The following ATP6AP1 variants were observed in gnomAD, a reference collection of about 807,000 sequenced individuals.
ATP6AP1 encodes V-type proton ATPase subunit S1.
Under a neutral mutation model 32.0 loss-of-function variants are expected in ATP6AP1, and 1 was observed. The ratio of observed to expected loss-of-function variants is 0.03; its 90% CI spans 0.01 to 0.15. The LOEUF (loss-of-function observed/expected upper bound fraction) is 0.15. ATP6AP1 is among the 10% of genes least tolerant of loss of function. The pLI, the probability that ATP6AP1 is intolerant of heterozygous loss-of-function variation, is 1.00. For missense variants in ATP6AP1, 297 were observed against 398.8 expected (o/e 0.74, Z 2.17); for synonymous variants, 187 against 174.9 (o/e 1.07, Z -0.55).
In ATP6AP1 at chrX:154,431,916, C is replaced by A. The variant is rs1557196841; in HGVS notation, c.363+12C>A. 8.3e-7 allele frequency: 1 copy of A among 1,209,083 alleles called. No individual in the cohort carries two copies. The highest frequency in any genetic ancestry group is 1.8e-5 in the South Asian group (1 of 56,887). On this transcript the variant is annotated intron_variant, in intron 3 of 9. Transcript: ENST00000369762. ...TTTCTAACCTAGAGGTGAGAGTCCTCTCCCAGCCAGGGGCCATGGGGGACA... is the reference window on the plus strand; with the variant it reads ...TTTCTAACCTAGAGGTGAGAGTCCTATCCCAGCCAGGGGCCATGGGGGACA...
chrX:154,428,977 G>A (rs2068679789), intron 1 of ATP6AP1, 71 bp from the exon 2 acceptor site: 1 of 1,178,374 alleles, frequency 8.5e-7, no homozygotes, highest in Non-Finnish European at 1.1e-6. Context: ...GGCTCGCAGC[G>A]AATCTGCCGG....
intron 2 of ATP6AP1, chrX:154,429,496 C>G (rs2068682746): frequency 4.8e-6 from 1 of 210,254 alleles, no homozygotes; most frequent in Non-Finnish European, 8.8e-6. Context: ...GATGAGAAGA[C>G]TGAGGCTGGA....
chrX:154,433,149 C>G (rs1357161400), intron 5 of ATP6AP1, among the ~76,000 whole-genome samples, 178 bp downstream of exon 5: 1 of 111,812 alleles, frequency 8.9e-6, no homozygotes, highest in Non-Finnish European at 1.9e-5. Flanking sequence ...GACCACCTGA[C>G]AGAAGACCCT....
Position 154,431,885 on chromosome X carries a change from G to A in ATP6AP1, c.344G>A (p.Ser115Asn), listed in dbSNP as rs199872479. ...YGGVFGNKQD[S>N]AFSNLENALD... ...GGTGTGTTTGGAAACAAGCAGGACA[G>A]CGCCTTTTCTAACCTAGAGGTGAGA... is the stretch of plus-strand genomic sequence containing the variant. Residue 115 changes from serine (S) to asparagine (N), a missense_variant, in exon 3 of 10, where the codon AGC (serine) becomes AAC (asparagine). Ser to Asn is a conservative substitution (Grantham distance 46). Transcript: ENST00000369762. The A allele has an allele frequency of 3.6e-5, 44 of 1,210,172 alleles. No individual in the cohort carries two copies. In the African/African-American group the frequency reaches 6.1e-4, roughly 17 times the overall value.
Position 154,432,964 on chromosome X carries a change from A to G in ATP6AP1, c.591A>G (p.Thr197=). The part of the protein sequence containing the change: ...SGLMAPREVL[T]GNDEVIGQVL... The stretch of plus-strand genomic sequence containing the variant: ...TGATGGCACCCAGGGAAGTCCTCAC[A>G]GGCAACGGTGAGTAGAATCAGGGAG... The change falls in exon 5 of 10, where the codon ACA becomes ACG. Residue 197 remains threonine, a synonymous_variant. Coordinates refer to ENST00000369762, the MANE Select transcript of ATP6AP1 (RefSeq NM_001183.6). 3 of 1,211,228 alleles carry G rather than the reference A, an allele frequency of 2.5e-6. No individual in the cohort carries two copies. Among genetic ancestry groups the G allele is most frequent in the Non-Finnish European group, 3.4e-6 (3 of 894,961 alleles).
In ATP6AP1 at chrX:154,435,285, C is replaced by T; in HGVS notation, c.983C>T (p.Ala328Val). The T allele has an allele frequency of 8.3e-7, 1 of 1,211,617 alleles. No homozygotes were observed. The highest frequency in any genetic ancestry group is 1.8e-5 in the South Asian group (1 of 56,961). ...GCCACCTTCCCCAGGTTCATTCTGG[C>T]CAACCGCCTCTACCCAGTGTCTGCC... ...GTTVTFKFIL[A>V]NRLYPVSARH... The change falls in exon 9 of 10, where the codon GCC becomes GTC. Residue 328 changes from alanine (A) to valine (V), a missense_variant. By Grantham distance (64) the Ala-to-Val change is moderately conservative. This residue lies in a region of ATP6AP1 where 155 missense variants were observed against 253.8 expected (regional missense o/e 0.61). Transcript: ENST00000369762.
At position 154,434,297 on chromosome X, in the gene ATP6AP1, G is replaced by C; in HGVS notation, c.774G>C (p.Val258=). ...TATCACCTGTGATCCATCCTCCTGTGAGTTACAATGACACCGCTCCCCGGA... is the reference window on the plus strand; with the variant it reads ...TATCACCTGTGATCCATCCTCCTGTCAGTTACAATGACACCGCTCCCCGGA... ...QPVSPVIHPP[V]SYNDTAPRIL... Residue 258 remains valine (V), a synonymous_variant, in exon 7 of 10, where the codon GTG becomes GTC. Coordinates refer to ENST00000369762, the MANE Select transcript of ATP6AP1 (RefSeq NM_001183.6). 1 of 1,211,856 alleles carries C rather than the reference G, an allele frequency of 8.3e-7. No homozygotes were observed. Among genetic ancestry groups the C allele is most frequent in the Non-Finnish European group, 1.1e-6 (1 of 895,493 alleles).
intron 7 of ATP6AP1, 56 bp downstream of exon 7, chrX:154,434,502 G>A: frequency 8.9e-7 from 1 of 1,125,609 alleles, no homozygotes; most frequent in African/African-American, 1.8e-5. Context: ...TCCCATCACT[G>A]TGGGTCGCAG....
At chrX:154,434,476 C>T in intron 7 of ATP6AP1, 30 bp downstream of exon 7, 1 of 1,177,595 alleles carries the variant, frequency 8.5e-7, no homozygotes, top group Non-Finnish European at 1.2e-6. Context: ...GAGGACTGTG[C>T]CACCACAGGT....
At chrX:154,431,733 G>A in intron 2 of ATP6AP1, 97 bp from the exon 3 acceptor site, 3 of 788,581 alleles carry the variant, frequency 3.8e-6, no homozygotes, top group Non-Finnish European at 5.7e-6. Flanking sequence ...GTGAGACTTT[G>A]CTGGCCCTGA....
In ATP6AP1 at chrX:154,435,519, G is replaced by A. The variant is rs781865181; in HGVS notation, c.1203+14G>A. The stretch of plus-strand genomic sequence containing the variant: ...CAGGACTTCCAGGTATGGAGCGGGC[G>A]TGGCCCAGCTTCAGGTGGGGGAGCC... On this transcript the variant is annotated intron_variant, in intron 9 of 9. Transcript: ENST00000369762. The A allele has an allele frequency of 9.9e-6, 12 of 1,206,576 alleles. No homozygotes were observed. The highest frequency in any genetic ancestry group is 3.5e-5 in the South Asian group (2 of 56,923).
chrX:154,432,202 G>C, intron 3 of ATP6AP1, 64 bp from the exon 4 acceptor site: 2 of 1,041,809 alleles, frequency 1.9e-6, no homozygotes, highest in Non-Finnish European at 2.6e-6. Context: ...AGAGAGGTGT[G>C]GGGGGCTGGG....
chrX:154,435,464 A>C lies in ATP6AP1; in HGVS notation c.1162A>C (p.Thr388Pro), dbSNP rs140009552. The C allele has an allele frequency of 1.1e-3, 1,350 of 1,210,465 alleles. 19 individuals carry two copies. In the African/African-American group the frequency reaches 0.02, roughly 18 times the overall value. ...GAAGGGTAGTCTCCTCGTGGCCCGC[A>C]CGCAGCCCTCTCCCTGGCAGATGAT... ...SKKGSLLVAR[T>P]QPSPWQMMLQ... Residue 388 changes from threonine to proline, a missense_variant, in exon 9 of 10, where the codon ACG (threonine) becomes CCG (proline). This residue lies in a region of ATP6AP1 where 155 missense variants were observed against 253.8 expected (regional missense o/e 0.61). Transcript: ENST00000369762.
Position 154,431,887 on chromosome X carries a change from G to C in ATP6AP1, c.346G>C (p.Ala116Pro). ...GGVFGNKQDSAFSNLENALDL... is the reference protein window; with the variant it reads ...GGVFGNKQDSPFSNLENALDL... ...TGTGTTTGGAAACAAGCAGGACAGC[G>C]CCTTTTCTAACCTAGAGGTGAGAGT... Residue 116 changes from alanine to proline, a missense_variant, in exon 3 of 10, where the codon GCC (alanine) becomes CCC (proline). Ala to Pro is a conservative substitution (Grantham distance 27). This residue lies in a region of ATP6AP1 where 142 missense variants were observed against 145.0 expected (regional missense o/e 0.98). Transcript: ENST00000369762. 8.3e-7 allele frequency: 1 copy of C among 1,211,621 alleles called. No homozygotes were observed. The highest frequency in any genetic ancestry group is 1.1e-6 in the Non-Finnish European group (1 of 895,428).
chrX:154,432,079 C>A (rs782743255), intron 3 of ATP6AP1, among the ~76,000 whole-genome samples, 175 bp downstream of exon 3: 2 of 112,505 alleles, frequency 1.8e-5, no homozygotes, highest in African/African-American at 6.4e-5. Context: ...TCTTAGGGAG[C>A]AGAGACGCTG....
intron 2 of ATP6AP1, chrX:154,429,962 A>G (rs1232710437): frequency 8.9e-6 from 1 of 112,273 alleles, no homozygotes; most frequent in Non-Finnish European, 1.9e-5. Context: ...AGGAGGTGGT[A>G]AATAATATAG....
In ATP6AP1 at chrX:154,434,262, A is replaced by G. The variant is rs781928490; in HGVS notation, c.739A>G (p.Lys247Glu). ...AGGLGRQLLQ[K>E]QPVSPVIHPP... The stretch of plus-strand genomic sequence containing the variant: ...AGGGCTAGGTCGCCAGCTGCTACAA[A>G]AACAGCCAGTATCACCTGTGATCCA... Residue 247 changes from lysine to glutamate, a missense_variant, in exon 7 of 10, where the codon AAA becomes GAA. Lys to Glu is a moderately conservative substitution (Grantham distance 56). Transcript: ENST00000369762. 86 of 1,211,660 alleles carry G rather than the reference A, an allele frequency of 7.1e-5. No individual in the cohort carries two copies. Among genetic ancestry groups the G allele is most frequent in the Non-Finnish European group, 9.6e-5 (86 of 895,447 alleles).
rs1482750787 is a variant in ATP6AP1, at chrX:154,435,564, C to T, written c.1203+59C>T. 3.7e-5 allele frequency: 44 copies of T among 1,181,497 alleles called. No homozygotes were observed. In the South Asian group the frequency reaches 6.8e-4, roughly 18 times the overall value. On this transcript the variant is annotated intron_variant, in intron 9 of 9. Transcript: ENST00000369762. ...GGAGCCCAGGCTAGTGGTTGAGAGA[C>T]GAAGAGAGGCTTGGGCTTGGGCATG...
At chrX:154,432,525 C>A in intron 4 of ATP6AP1, 66 bp downstream of exon 4, 1 of 1,098,306 alleles carries the variant, frequency 9.1e-7, no homozygotes, top group Non-Finnish European at 1.2e-6. Flanking sequence ...TGGGCTATGG[C>A]ATGTGGTGGC....
Sources: allele counts gnomAD v4.1 joint callset (sites outside exome capture counted in the v4.1 genomes callset), GRCh38; gene constraint gnomAD v4.1.1; regional missense constraint gnomAD v4.1.1; transcripts MANE v1.5; gene names NCBI Gene and HGNC (gene_info 2026-07-23, HGNC 2026-07-21).